Variants in CAMK1D observed in about 807,000 individuals in gnomAD.
The protein encoded by CAMK1D is calcium/calmodulin-dependent protein kinase type 1D.
CAMK1D carries 9 observed loss-of-function variants against 47.7 expected under a neutral mutation model. That is an observed-to-expected ratio of 0.19 (90% CI 0.11 to 0.33). The LOEUF is 0.33. Ranked by LOEUF, CAMK1D falls within the 10% of genes least tolerant of loss-of-function variation. The pLI is 1.00. For synonymous variants in CAMK1D, 184 were observed against 184.9 expected (o/e 0.99, Z 0.04); for missense variants, 291 against 488.7 (o/e 0.60, Z 3.81).
At chr10:12,692,316 C>T (rs1215962629) in intron 3 of CAMK1D, among the ~76,000 whole-genome samples, 1 of 152,144 alleles carries the variant, frequency 6.6e-6, no homozygotes, top group Non-Finnish European at 1.5e-5. Flanking sequence ...TGCTCCTTCT[C>T]AGTTACACAA....
intron 2 of CAMK1D, among the ~76,000 whole-genome samples, chr10:12,662,230 C>A (rs1221828533): frequency 6.6e-6 from 1 of 152,180 alleles, no homozygotes; most frequent in Non-Finnish European, 1.5e-5. Flanking sequence ...ATAATAAGAG[C>A]AATAGATGAG....
chr10:12,719,838 A>G (rs543995561), intron 3 of CAMK1D, among the ~76,000 whole-genome samples: 38 of 152,356 alleles, frequency 2.5e-4, no homozygotes, highest in African/African-American at 9.1e-4. Flanking sequence ...ATAATTGCTC[A>G]TCGCATCCCA....
intron 1 of CAMK1D, among the ~76,000 whole-genome samples, chr10:12,428,209 T>TC (rs958871115): frequency 1.3e-5 from 2 of 151,998 alleles, no homozygotes; most frequent in Non-Finnish European, 2.9e-5. Flanking sequence ...TGTGTGATGT[T>TC]CCCCTCCCTG....
rs188989193 is a variant in CAMK1D at position 12,762,044 on chromosome 10, G to A, written c.438+958G>A. Among the ~76,000 whole-genome samples the A allele has an allele frequency of 7.9e-5, 12 of 152,280 alleles. No homozygotes were observed. In the East Asian group the frequency reaches 2.1e-3, roughly 27 times the overall value. Reference sequence around the variant, plus strand: ...CCAGCAGGTCTATGTAGACACTGAAGGACAGATGTCAAACACAATAGTACT... The same window carrying A: ...CCAGCAGGTCTATGTAGACACTGAAAGACAGATGTCAAACACAATAGTACT... On this transcript the variant is annotated intron_variant, in intron 4 of 10. Transcript: ENST00000619168.
chr10:12,628,356 T>C (rs1839284265), intron 2 of CAMK1D, among the ~76,000 whole-genome samples: 3 of 152,254 alleles, frequency 2.0e-5, no homozygotes, highest in South Asian at 4.1e-4. Flanking sequence ...TTTTAAATTT[T>C]AGCCATTCTA....
intron 3 of CAMK1D, among the ~76,000 whole-genome samples, chr10:12,683,244 G>T (rs547985980): frequency 6.6e-6 from 1 of 151,806 alleles, no homozygotes; most frequent in South Asian, 2.1e-4. Flanking sequence ...GCACCACCAC[G>T]CCCAGCTGAT....
intron 2 of CAMK1D, among the ~76,000 whole-genome samples, chr10:12,636,736 C>A (rs947383644): frequency 1.5e-4 from 23 of 152,190 alleles, no homozygotes; most frequent in African/African-American, 5.3e-4. Context: ...CCAGCTTCCT[C>A]CAAAGCTGAG....
At chr10:12,687,002 A>G (rs1337411712) in intron 3 of CAMK1D, among the ~76,000 whole-genome samples, 1 of 151,946 alleles carries the variant, frequency 6.6e-6, no homozygotes, top group Non-Finnish European at 1.5e-5. Context: ...TCAGTTATCA[A>G]TATGACAAAA....
At chr10:12,593,101 G>A (rs540242540) in intron 2 of CAMK1D, among the ~76,000 whole-genome samples, 1 of 152,320 alleles carries the variant, frequency 6.6e-6, no homozygotes, top group Non-Finnish European at 1.5e-5. Context: ...AACTACTCAA[G>A]TCTGATGTAG....
chr10:12,732,670 G>T (rs866153133), intron 3 of CAMK1D, among the ~76,000 whole-genome samples: 1 of 71,712 alleles, frequency 1.4e-5, no homozygotes, highest in Non-Finnish European at 3.1e-5. Flanking sequence ...AATTACCCCC[G>T]CCCCCCCCGC....
rs560593135 is a variant in CAMK1D, at chr10:12,698,742, G to A, written c.299+31932G>A. On this transcript the variant is annotated intron_variant, in intron 3 of 10. Transcript: ENST00000619168. ...GGCTGGAGTGCAGTGGTGTGATCTC[G>A]GCTCACTGTATCCTCCGCCTCCTGG... 3.6e-4 allele frequency among the ~76,000 whole-genome samples: 49 copies of A among 135,584 alleles called. No homozygotes were observed. In the South Asian group the frequency reaches 8.2e-3, roughly 23 times the overall value. The allele number at this position is 135,584 out of a possible 152,430, so 88.9% of individuals were successfully genotyped here. A position where few individuals can be genotyped will look rare whatever the true frequency, so the allele number is the denominator to read the frequency against.
rs1054738689 is a variant in CAMK1D, at chr10:12,835,152, G to T, written c.*6265G>T. ...TACCCTCTGTCCAGAATAAACATTG[G>T]AACAATCTCTCAATTGGCTTTTGTC... On this transcript the variant is annotated 3_prime_UTR_variant, in exon 11 of 11. Transcript: ENST00000619168. 1.3e-5 allele frequency: 2 copies of T among 152,162 alleles called. No homozygotes were observed. The highest frequency in any genetic ancestry group is 2.9e-5 in the Non-Finnish European group (2 of 68,040). 9.4% of individuals were successfully genotyped at this position (152,162 alleles called of 1,614,324 possible).
chr10:12,752,085 G>A (rs531507431), intron 3 of CAMK1D, among the ~76,000 whole-genome samples: 2 of 151,958 alleles, frequency 1.3e-5, no homozygotes, highest in South Asian at 4.2e-4. Context: ...AGGTTTTCAA[G>A]CGATTCTCCC....
intron 8 of CAMK1D, 45 bp from the exon 9 acceptor site, chr10:12,824,420 G>A (rs371723953): frequency 1.5e-5 from 23 of 1,540,658 alleles, no homozygotes; most frequent in Non-Finnish European, 2.0e-5. Context: ...CAGTGTCAGG[G>A]CCCAGAAGAA....
intron 3 of CAMK1D, among the ~76,000 whole-genome samples, chr10:12,672,165 G>T (rs6602608): frequency 0.88 from 133,604 of 151,786 alleles, 59,040 homozygotes; most frequent in Non-Finnish European, 0.92. Context: ...TCTGCCTGCC[G>T]CGGCCTCCCA....
Position 12,547,682 on chromosome 10 carries a change from T to TCTCTCTCACACACACACACACACACACA in CAMK1D, c.93-5542_93-5541insTCTCTCACACACACACACACACACACAC, listed in dbSNP as rs10643491. ...CACTCTCTCTCTCTCTTTCTCTCTCTCACACACACACACACACACCACTGT... is the reference window on the plus strand; with the variant it reads ...CACTCTCTCTCTCTCTTTCTCTCTCTCTCTCTCACACACACACACACACACACACACACACACACACACACACCACTGT... On this transcript the variant is annotated intron_variant, in intron 1 of 10. Transcript: ENST00000619168. Among the ~76,000 whole-genome samples the TCTCTCTCACACACACACACACACACACA allele has an allele frequency of 1.4e-3, 167 of 116,540 alleles. 1 individual carries two copies. Among genetic ancestry groups the TCTCTCTCACACACACACACACACACACA allele is most frequent in the African/African-American group, 5.7e-3 (153 of 26,888 alleles). 76.5% of individuals were successfully genotyped at this position (116,540 alleles called of 152,430 possible).
At chr10:12,577,105 G>A (rs140068105) in intron 2 of CAMK1D, among the ~76,000 whole-genome samples, 4 of 152,266 alleles carry the variant, frequency 2.6e-5, no homozygotes, top group South Asian at 2.1e-4. Flanking sequence ...AGGAGGTGAC[G>A]GCCACCTTGA....
At chr10:12,636,382 C>T (rs183341643) in intron 2 of CAMK1D, among the ~76,000 whole-genome samples, 73 of 152,314 alleles carry the variant, frequency 4.8e-4, no homozygotes, top group African/African-American at 1.6e-3. Context: ...GGCTAGAGTG[C>T]GGTGGCACGA....
intron 1 of CAMK1D, among the ~76,000 whole-genome samples, chr10:12,417,598 A>G (rs1356571620): frequency 6.6e-6 from 1 of 152,084 alleles, no homozygotes; most frequent in African/African-American, 2.4e-5. Context: ...GGGTTCAGCC[A>G]CAGTTGAGTT....
Sources: gnomAD v4.1 joint callset for allele counts (sites outside exome capture counted in the v4.1 genomes callset) on GRCh38, gnomAD v4.1.1 for gene constraint, MANE v1.5 for transcripts, NCBI Gene and HGNC (gene_info 2026-07-23, HGNC 2026-07-21) for gene names.